Variants in COX7B observed in about 807,000 individuals in gnomAD.
The protein encoded by COX7B is cytochrome c oxidase subunit 7B, mitochondrial.
Under a neutral mutation model 7.9 loss-of-function variants are expected in COX7B, and 2 were observed. The observed-to-expected ratio is 0.25, with a 90% CI of 0.10 to 0.79. COX7B has a LOEUF of 0.79. Among genes scored for constraint, COX7B ranks in the 30% least tolerant of loss-of-function variants. The pLI is 0.69. For missense variants in COX7B, 54 were observed against 62.7 expected (o/e 0.86, Z 0.47); for synonymous variants, 19 against 21.1 (o/e 0.90, Z 0.27).
intron 2 of COX7B, 78 bp downstream of exon 2, chrX:77,902,845 G>C: frequency 1.0e-6 from 1 of 984,789 alleles, no homozygotes; most frequent in Middle Eastern, 3.2e-4. Flanking sequence ...TCTTAACATA[G>C]TAGTGTACAT....
chrX:77,907,341 A>G lies in COX7B; in HGVS notation c.*2080A>G, dbSNP rs1458357819. 8.9e-6 allele frequency: 1 copy of G among 112,306 alleles called. No homozygotes were observed. The highest frequency in any genetic ancestry group is 2.8e-4 in the East Asian group (1 of 3,608). 9.3% of individuals were successfully genotyped at this position (112,306 alleles called of 1,213,427 possible). On this transcript the variant is annotated 3_prime_UTR_variant, in exon 3 of 3. Coordinates refer to ENST00000650309, the MANE Select transcript of COX7B (RefSeq NM_001866.3). ...TGAGCGATATTGAAGTAAAATAAAC[A>G]TGTATTTAAGGAAGTGTCAACCTTC...
chrX:77,899,510 C>T lies in COX7B; in HGVS notation c.-44C>T. 2 of 1,206,078 alleles carry T rather than the reference C, an allele frequency of 1.7e-6. No individual in the cohort carries two copies. The highest frequency in any genetic ancestry group is 2.2e-5 in the Admixed American group (1 of 45,903). ...AAGGGTACCTGAAGCGAATTGGCAC[C>T]AAAGCAGCAGCTGTATTGCCGCAGT... On this transcript the variant is annotated 5_prime_UTR_variant, in exon 1 of 3. Coordinates refer to ENST00000650309, the MANE Select transcript of COX7B (RefSeq NM_001866.3).
At chrX:77,901,368 C>T (rs782723353) in intron 1 of COX7B, among the ~76,000 whole-genome samples, 1 of 107,648 alleles carries the variant, frequency 9.3e-6, no homozygotes, top group South Asian at 4.1e-4. Flanking sequence ...GCCTCAGGCT[C>T]CCTAGCTTTT....
At position 77,899,570 on chromosome X, in the gene COX7B, A is replaced by G. The variant is rs1337924791; in HGVS notation, c.17A>G (p.Lys6Arg). The stretch of plus-strand genomic sequence containing the variant: ...ACCTTCACGATGTTTCCCTTGGTCA[A>G]AAGCGCACTAAATCGTCTCCAAGGT... Reference protein sequence around the residue: MFPLVKSALNRLQVRS... With the variant: MFPLVRSALNRLQVRS... The change falls in exon 1 of 3, where the codon AAA becomes AGA. Residue 6 changes from lysine to arginine, a missense_variant. Transcript: ENST00000650309. 8 of 1,209,119 alleles carry G rather than the reference A, an allele frequency of 6.6e-6. No homozygotes were observed. Among genetic ancestry groups the G allele is most frequent in the Non-Finnish European group, 8.9e-6 (8 of 895,024 alleles).
Position 77,906,388 on chromosome X carries a change from G to A in COX7B, c.*1127G>A, listed in dbSNP as rs782137660. ...TAGCCTGTCTGAAGACTAGCTACTA[G>A]CTCCTTGGCTGTTTTGGCATATTCA... On this transcript the variant is annotated 3_prime_UTR_variant, in exon 3 of 3. Coordinates refer to ENST00000650309, the MANE Select transcript of COX7B (RefSeq NM_001866.3). 9.0e-6 allele frequency: 1 copy of A among 111,668 alleles called. No homozygotes were observed. The highest frequency in any genetic ancestry group is 1.9e-5 in the Non-Finnish European group (1 of 53,193). The allele number at this position is 111,668 out of a possible 1,213,427, so 9.2% of individuals were successfully genotyped here.
At position 77,905,269 on chromosome X, in the gene COX7B, A is replaced by T; in HGVS notation, c.*8A>T. ...GAATGGAGGAATCAGTAATCATCCC[A>T]GCTGGTGTAATAATGAATTGTTTAA... is the stretch of plus-strand genomic sequence containing the variant. On this transcript the variant is annotated 3_prime_UTR_variant, in exon 3 of 3. Transcript: ENST00000650309. 8.5e-7 allele frequency: 1 copy of T among 1,180,835 alleles called. No homozygotes were observed.
chrX:77,901,819 G>A (rs982928311), intron 1 of COX7B: 60 of 111,399 alleles, frequency 5.4e-4, no homozygotes, highest in African/African-American at 2.0e-3. Context: ...CTAACTCCTG[G>A]ACTCAAGTGA....
In COX7B at chrX:77,906,526, T is replaced by C. The variant is rs2077135527; in HGVS notation, c.*1265T>C. The C allele has an allele frequency of 8.9e-6, 1 of 112,626 alleles. No homozygotes were observed. The highest frequency in any genetic ancestry group is 1.9e-5 in the Non-Finnish European group (1 of 53,358). 9.3% of individuals were successfully genotyped at this position (112,626 alleles called of 1,213,427 possible). A position where few individuals can be genotyped will look rare whatever the true frequency, so the allele number is the denominator to read the frequency against. The stretch of plus-strand genomic sequence containing the variant: ...GTTATCTACTATCAGTCACCTGTTG[T>C]ATAATTATAACAATGTTTGGATTTG... On this transcript the variant is annotated 3_prime_UTR_variant, in exon 3 of 3. Coordinates refer to ENST00000650309, the MANE Select transcript of COX7B (RefSeq NM_001866.3).
chrX:77,904,211 C>G (rs1447036381), intron 2 of COX7B, among the ~76,000 whole-genome samples: 1 of 108,189 alleles, frequency 9.2e-6, no homozygotes, highest in Non-Finnish European at 1.9e-5. Context: ...GGATTACAAG[C>G]GTGAGCCACT....
chrX:77,900,670 C>A (rs2077118203), intron 1 of COX7B, among the ~76,000 whole-genome samples: 1 of 112,633 alleles, frequency 8.9e-6, no homozygotes, highest in South Asian at 3.6e-4. Context: ...AACTCTTAAG[C>A]AACTTTGAAA....
At position 77,902,638 on chromosome X, in the gene COX7B, G is replaced by A. The variant is rs782754491; in HGVS notation, c.41-5G>A. 1.1e-5 allele frequency: 13 copies of A among 1,204,490 alleles called. No individual in the cohort carries two copies. The African/African-American group carries it at 2.3e-4, about 21-fold the overall frequency. On this transcript the variant is annotated splice_polypyrimidine_tract_variant and splice_region_variant and intron_variant, in intron 1 of 2. Coordinates refer to ENST00000650309, the MANE Select transcript of COX7B (RefSeq NM_001866.3). The stretch of plus-strand genomic sequence containing the variant: ...TTCTGTATTCTTTTTTCGTTTTCCT[G>A]TAAGTTCGAAGCATTCAGCAAACAA...
At position 77,906,256 on chromosome X, in the gene COX7B, T is replaced by C. The variant is rs2077134865; in HGVS notation, c.*995T>C. On this transcript the variant is annotated 3_prime_UTR_variant, in exon 3 of 3. Coordinates refer to ENST00000650309, the MANE Select transcript of COX7B (RefSeq NM_001866.3). ...ATGCCTACTACTATGTGCCTCTCATTTGTATTTATACCTGGAATTGGCATT... is the reference window on the plus strand; with the variant it reads ...ATGCCTACTACTATGTGCCTCTCATCTGTATTTATACCTGGAATTGGCATT... 1 of 112,198 alleles carries C rather than the reference T, an allele frequency of 8.9e-6. No homozygotes were observed. The highest frequency in any genetic ancestry group is 1.9e-5 in the Non-Finnish European group (1 of 53,292). 9.2% of individuals were successfully genotyped at this position (112,198 alleles called of 1,213,427 possible).
chrX:77,900,666 T>C (rs376674145), intron 1 of COX7B, among the ~76,000 whole-genome samples: 78 of 112,858 alleles, frequency 6.9e-4, no homozygotes, highest in African/African-American at 2.3e-3. Context: ...CCTAAACTCT[T>C]AAGCAACTTT....
rs2077137749 is a variant in COX7B, at chrX:77,907,240, T to C, written c.*1979T>C. On this transcript the variant is annotated 3_prime_UTR_variant, in exon 3 of 3. Coordinates refer to ENST00000650309, the MANE Select transcript of COX7B (RefSeq NM_001866.3). ...GTAACCATATTGTACCACTGTTTGA[T>C]AAATTTGAACGCTTTATGGTATTTC... 8.9e-6 allele frequency: 1 copy of C among 111,990 alleles called. No individual in the cohort carries two copies. 9.2% of individuals were successfully genotyped at this position (111,990 alleles called of 1,213,427 possible). A position where few individuals can be genotyped will look rare whatever the true frequency, so the allele number is the denominator to read the frequency against.
intron 2 of COX7B, among the ~76,000 whole-genome samples, chrX:77,903,971 C>T (rs1163479842): frequency 2.3e-5 from 2 of 85,134 alleles, no homozygotes; most frequent in South Asian, 6.2e-4. Context: ...CTTGCTCTGT[C>T]GCCCAGGCTG....
At chrX:77,904,174 C>T (rs1557220897) in intron 2 of COX7B, among the ~76,000 whole-genome samples, 3 of 106,178 alleles carry the variant, frequency 2.8e-5, no homozygotes. Context: ...CCTCGTGATC[C>T]ACCCACCTCG....
At chrX:77,901,382 T>C (rs2077119506) in intron 1 of COX7B, among the ~76,000 whole-genome samples, 1 of 108,323 alleles carries the variant, frequency 9.2e-6, no homozygotes, top group Non-Finnish European at 1.9e-5. Flanking sequence ...AGCTTTTCAT[T>C]ATATATGTAA....
At chrX:77,901,908 A>T (rs1301880223) in intron 1 of COX7B, 2 of 110,430 alleles carry the variant, frequency 1.8e-5, no homozygotes, top group Non-Finnish European at 3.8e-5. Context: ...TTTAATTTTC[A>T]ATTTTTTTGT....
In COX7B at chrX:77,905,187, G is replaced by T. The variant is rs782772132; in HGVS notation, c.169G>T (p.Ala57Ser). 23 of 1,204,840 alleles carry T rather than the reference G, an allele frequency of 1.9e-5. No homozygotes were observed. Among genetic ancestry groups the T allele is most frequent in the East Asian group, 3.0e-5 (1 of 33,767 alleles). ...GACAGCATTTTAATTCTTACAGGTA[G>T]CAACACAAGTCGGAATAGAATGGAA... The part of the protein sequence containing the change: ...TFCIVTWTYV[A>S]TQVGIEWNLS... The change falls in exon 3 of 3, where the codon GCA becomes TCA. Residue 57 changes from alanine to serine, a missense_variant. Ala to Ser is a moderately conservative substitution (Grantham distance 99, BLOSUM62 1). Transcript: ENST00000650309.
Sources: allele counts gnomAD v4.1 joint callset (sites outside exome capture counted in the v4.1 genomes callset), GRCh38; gene constraint gnomAD v4.1.1; transcripts MANE v1.5; gene names NCBI Gene and HGNC (gene_info 2026-07-23, HGNC 2026-07-21).